The following CD33 variants were observed in gnomAD, a reference collection of about 807,000 sequenced individuals.
CD33 encodes CD33 molecule, also known as myeloid cell surface antigen CD33.
In CD33, 25 loss-of-function variants were observed where a neutral mutation model predicts 31.4. The ratio of observed to expected loss-of-function variants is 0.80; its 90% CI spans 0.58 to 1.11. The LOEUF (loss-of-function observed/expected upper bound fraction) is 1.11, where lower values mean the gene tolerates loss of function less well. Ranked by LOEUF, CD33 falls within the 50% of genes most tolerant of loss-of-function variation. CD33 has a pLI of 0.00. For synonymous variants in CD33, 176 were observed against 180.6 expected (o/e 0.97, Z 0.20); for missense variants, 407 against 448.1 (o/e 0.91, Z 0.83).
intron 6 of CD33, chr19:51,237,673 G>T (rs1000757817): frequency 6.6e-6 from 1 of 152,234 alleles, no homozygotes; most frequent in Non-Finnish European, 1.5e-5. Context: ...ACTGAACAAT[G>T]GTAGGTAGGA....
chr19:51,223,102 C>T (rs1425457693), upstream of CD33, among the ~76,000 whole-genome samples: 8 of 151,972 alleles, frequency 5.3e-5, no homozygotes, highest in Non-Finnish European at 7.4e-5. Context: ...AGCCTGTGAT[C>T]CCAGCTACTA....
At chr19:51,215,147 G>A in the CD33 span, among the ~76,000 whole-genome samples, 3 of 152,270 alleles carry the variant, frequency 2.0e-5, no homozygotes, top group South Asian at 6.2e-4. Context: ...CAGGGGAAGT[G>A]TGTGGAGGGC....
the CD33 span, chr19:51,211,201 C>T: frequency 6.3e-7 from 1 of 1,576,580 alleles, no homozygotes; most frequent in Middle Eastern, 1.7e-4. Context: ...CCCTCGTTTC[C>T]CCACAGGGGC....
chr19:51,226,609 A>G, intron 4 of CD33, among the ~76,000 whole-genome samples: 1 of 152,198 alleles, frequency 6.6e-6, no homozygotes, highest in South Asian at 2.1e-4. Context: ...ATATGTAATA[A>G]TAGTACATAT....
rs139796163 is a variant in CD33 at position 51,225,706 on chromosome 19, G to A, written c.419-97G>A. Reference sequence around the variant, plus strand: ...GAGGGGTTTAGGGGTAAAGCCTGTCGTGCTTAGCGGGGGAGCTTGACCAGA... The same window carrying A: ...GAGGGGTTTAGGGGTAAAGCCTGTCATGCTTAGCGGGGGAGCTTGACCAGA... On this transcript the variant is annotated intron_variant, in intron 2 of 6. Transcript: ENST00000262262. The A allele has an allele frequency of 1.4e-3, 2,150 of 1,538,232 alleles. 18 individuals are homozygous for A. The African/African-American group carries it at 0.024, about 17-fold the overall frequency.
In CD33 at chr19:51,239,983, G is replaced by A; in HGVS notation, c.*295G>A. 1 of 223,132 alleles carries A rather than the reference G, an allele frequency of 4.5e-6. No individual in the cohort carries two copies. Among genetic ancestry groups the A allele is most frequent in the Middle Eastern group, 1.4e-3 (1 of 690 alleles). 13.8% of individuals were successfully genotyped at this position (223,132 alleles called of 1,614,324 possible). On this transcript the variant is annotated 3_prime_UTR_variant, in exon 7 of 7. Coordinates refer to ENST00000262262, the MANE Select transcript of CD33 (RefSeq NM_001772.4). ...AAGTCCTATCTCATAGGGATGCTGT[G>A]AGCATTAAATAAAGGTACACATGGA...
chr19:51,219,991 C>A, the CD33 span, among the ~76,000 whole-genome samples: 1 of 152,230 alleles, frequency 6.6e-6, no homozygotes, highest in Non-Finnish European at 1.5e-5. Context: ...ATTTACTTTT[C>A]TCATTGTGTC....
chr19:51,211,756 C>T, the CD33 span: 1 of 774,086 alleles, frequency 1.3e-6, no homozygotes. Flanking sequence ...ACCTCAGTCA[C>T]CCCTTCCTGA....
Position 51,226,302 on chromosome 19 carries a change from C to T in CD33, c.698-7C>T. ...CAACTGAAGGAAATCCTCTCTTCCT[C>T]TCCTAGATGTTCCACAGAACCCAAC... On this transcript the variant is annotated splice_region_variant and splice_polypyrimidine_tract_variant and intron_variant, in intron 3 of 6. Transcript: ENST00000262262. The T allele has an allele frequency of 1.2e-6, 2 of 1,613,650 alleles. No homozygotes were observed. Among genetic ancestry groups the T allele is most frequent in the East Asian group, 2.2e-5 (1 of 44,874 alleles).
chr19:51,239,472 C>T (rs759416657), intron 6 of CD33, 46 bp from the exon 7 acceptor site: 2 of 1,439,688 alleles, frequency 1.4e-6, no homozygotes, highest in East Asian at 2.5e-5. Flanking sequence ...CTCCTGGTCC[C>T]CCTCCTCACT....
At chr19:51,219,582 T>G in the CD33 span, among the ~76,000 whole-genome samples, 16 of 152,084 alleles carry the variant, frequency 1.1e-4, no homozygotes, top group African/African-American at 3.4e-4. Flanking sequence ...ATGAAGAGAG[T>G]GATCATCCTT....
At chr19:51,225,620 T>G (rs116416400) in intron 2 of CD33, 22 bp downstream of exon 2, 1 of 1,539,628 alleles carries the variant, frequency 6.5e-7, no homozygotes, top group Non-Finnish European at 8.7e-7. Context: ...GCTTCAGAAG[T>G]GGCCGCAAGG....
intron 4 of CD33, among the ~76,000 whole-genome samples, chr19:51,234,140 A>G (rs1981615921): frequency 6.6e-6 from 1 of 152,024 alleles, no homozygotes; most frequent in South Asian, 2.1e-4. Context: ...TTATAAATGA[A>G]CCTTATTTTT....
rs1982033871 is a variant in CD33, at chr19:51,239,610, T to C, written c.1017T>C (p.His339=). The change falls in exon 7 of 7, where the codon CAT becomes CAC. Residue 339 remains histidine (H), a synonymous_variant. Coordinates refer to ENST00000262262, the MANE Select transcript of CD33 (RefSeq NM_001772.4). ...APTVEMDEEL[H]YASLNFHGMN... is the part of the protein sequence containing the mutation. Reference sequence around the variant, plus strand: ...CTGTGGAGATGGATGAGGAGCTGCATTATGCTTCCCTCAACTTTCATGGGA... The same window carrying C: ...CTGTGGAGATGGATGAGGAGCTGCACTATGCTTCCCTCAACTTTCATGGGA... 6.2e-7 allele frequency: 1 copy of C among 1,613,848 alleles called. No homozygotes were observed. Among genetic ancestry groups the C allele is most frequent in the South Asian group, 1.1e-5 (1 of 91,022 alleles).
chr19:51,226,827 G>T (rs1981072469), intron 4 of CD33, among the ~76,000 whole-genome samples: 1 of 151,276 alleles, frequency 6.6e-6, no homozygotes, highest in African/African-American at 2.4e-5. Context: ...TTCCTTTCCA[G>T]GTGTAATCTA....
intron 6 of CD33, chr19:51,236,049 T>G: frequency 1.8e-6 from 1 of 543,736 alleles, no homozygotes; most frequent in Non-Finnish European, 3.3e-6. Flanking sequence ...TCCCAGCTAC[T>G]TGGGAGGCTG....
intron 6 of CD33, 188 bp from the exon 7 acceptor site, chr19:51,239,330 C>T (rs1486828565): frequency 6.9e-6 from 3 of 433,058 alleles, no homozygotes; most frequent in Non-Finnish European, 1.2e-5. Flanking sequence ...AATTGCGAAT[C>T]AATCAATACG....
intron 4 of CD33, among the ~76,000 whole-genome samples, chr19:51,234,491 C>T (rs1276880203): frequency 6.6e-6 from 1 of 152,210 alleles, no homozygotes; most frequent in Non-Finnish European, 1.5e-5. Flanking sequence ...GACCAGTGCT[C>T]TCTCCACTGC....
upstream of CD33, among the ~76,000 whole-genome samples, chr19:51,223,834 A>C (rs1179346399): frequency 6.6e-6 from 1 of 152,178 alleles, no homozygotes; most frequent in Non-Finnish European, 1.5e-5. Flanking sequence ...TTTCTTTTAA[A>C]ATTTCCAATA....
Sources: gnomAD v4.1 joint callset for allele counts (sites outside exome capture counted in the v4.1 genomes callset) on GRCh38, gnomAD v4.1.1 for gene constraint, MANE v1.5 for transcripts, NCBI Gene and HGNC (gene_info 2026-07-23, HGNC 2026-07-21) for gene names.